EPB41L2: variants seen among roughly 807,000 people sequenced by gnomAD.
EPB41L2 encodes erythrocyte membrane protein band 4.1 like 2, also known as band 4.1-like protein 2.
In EPB41L2, 43 loss-of-function variants were observed where a neutral mutation model predicts 113.0. The ratio of observed to expected loss-of-function variants is 0.38; its 90% CI spans 0.30 to 0.49. The LOEUF (loss-of-function observed/expected upper bound fraction) is 0.49. Among genes scored for constraint, EPB41L2 ranks in the 20% least tolerant of loss-of-function variants. EPB41L2 has a pLI of 0.95. For synonymous variants in EPB41L2, 442 were observed against 436.7 expected (o/e 1.01, Z -0.15); for missense variants, 1,147 against 1,223.4 (o/e 0.94, Z 0.93).
chr6:130,901,132 C>A lies in EPB41L2; in HGVS notation c.978G>T (p.Leu326=), dbSNP rs1012758497. The A allele has an allele frequency of 4.3e-6, 7 of 1,614,040 alleles. No individual in the cohort carries two copies. Among genetic ancestry groups the A allele is most frequent in the Non-Finnish European group, 5.1e-6 (6 of 1,179,988 alleles). ...GAGCATGAGTCACAAAAGAGCAGGG[C>A]AGGCGGCCAGAGGCAATGTCCTGCC... ...QLRQDIASGR[L]PCSFVTHALL... Residue 326 remains leucine, a synonymous_variant, in exon 7 of 20, where the codon CTG becomes CTT. Transcript: ENST00000337057.
intron 11 of EPB41L2, 89 bp downstream of exon 11, chr6:130,890,205 G>T: frequency 7.3e-7 from 1 of 1,367,878 alleles, no homozygotes; most frequent in South Asian, 1.8e-5. Context: ...GGGTATTTCT[G>T]GTGGCTTTAT....
chr6:130,955,029 A>G (rs970633119), intron 3 of EPB41L2, 76 bp downstream of exon 3: 90 of 1,366,616 alleles, frequency 6.6e-5, no homozygotes, highest in Non-Finnish European at 8.5e-5. Context: ...GAACTTAATA[A>G]AACACAAAAA....
At chr6:130,951,891 C>T (rs1228026597) in intron 3 of EPB41L2, among the ~76,000 whole-genome samples, 1 of 151,928 alleles carries the variant, frequency 6.6e-6, no homozygotes, top group Non-Finnish European at 1.5e-5. Context: ...CAGCATATCC[C>T]AGGTAGAGGC....
At chr6:130,886,761 G>A (rs184786152) in intron 11 of EPB41L2, among the ~76,000 whole-genome samples, 139 of 152,198 alleles carry the variant, frequency 9.1e-4, no homozygotes, top group Non-Finnish European at 1.3e-3. Context: ...AGCCTCCTGA[G>A]TAGCTGGGAT....
At chr6:130,880,682 A>C (rs1789037573) in intron 12 of EPB41L2, 1 of 411,370 alleles carries the variant, frequency 2.4e-6, no homozygotes, top group African/African-American at 2.0e-5. Flanking sequence ...CGAATGATGG[A>C]AATGATCCTT....
intron 1 of EPB41L2, among the ~76,000 whole-genome samples, chr6:130,965,476 T>C (rs1774855910): frequency 6.6e-6 from 1 of 152,060 alleles, no homozygotes; most frequent in African/African-American, 2.4e-5. Flanking sequence ...ATTTGGTCTC[T>C]ATCTGAATTC....
chr6:130,945,535 G>A (rs1812513270), intron 3 of EPB41L2, among the ~76,000 whole-genome samples: 1 of 152,168 alleles, frequency 6.6e-6, no homozygotes, highest in Non-Finnish European at 1.5e-5. Flanking sequence ...AGATGCCAGA[G>A]GAAAATGTGA....
At chr6:130,914,559 C>T (rs1348397447) in intron 4 of EPB41L2, among the ~76,000 whole-genome samples, 1 of 152,158 alleles carries the variant, frequency 6.6e-6, no homozygotes, top group East Asian at 1.9e-4. Context: ...AAAGACAGCT[C>T]TTTGTCCATG....
chr6:131,013,074 C>A (rs2128727784), intron 1 of EPB41L2, among the ~76,000 whole-genome samples: 1 of 152,220 alleles, frequency 6.6e-6, no homozygotes, highest in South Asian at 2.1e-4. Flanking sequence ...AAAGGTGTAA[C>A]CAATGTAAGA....
intron 1 of EPB41L2, among the ~76,000 whole-genome samples, chr6:130,967,552 A>ATT (rs200443462): frequency 6.6e-6 from 1 of 151,388 alleles, no homozygotes; most frequent in South Asian, 2.1e-4. Context: ...AGTTGGGGAC[A>ATT]TTTTTTTTTA....
chr6:130,908,514 T>C (rs1257975891), intron 5 of EPB41L2, among the ~76,000 whole-genome samples: 2 of 152,088 alleles, frequency 1.3e-5, no homozygotes, highest in Non-Finnish European at 2.9e-5. Flanking sequence ...TGGAGTAAAA[T>C]TTACATAGAA....
chr6:130,918,672 A>T (rs1049026690), intron 4 of EPB41L2, among the ~76,000 whole-genome samples: 6 of 152,202 alleles, frequency 3.9e-5, no homozygotes, highest in Non-Finnish European at 5.9e-5. Flanking sequence ...ATAGTACTGT[A>T]TTAAAACCAA....
At position 130,869,678 on chromosome 6, in the gene EPB41L2, T is replaced by G. The variant is rs757024224; in HGVS notation, c.2492A>C (p.Glu831Ala). 8.7e-6 allele frequency: 14 copies of G among 1,614,090 alleles called. No individual in the cohort carries two copies. Among genetic ancestry groups the G allele is most frequent in the Non-Finnish European group, 1.1e-5 (13 of 1,180,046 alleles). ...TCCCATGTCTTGCTTAAGAGCGCCT[T>G]CGTGTACACTCTTCTCTCCGGGTAT... Reference protein sequence around the residue: ...QKIPGEKSVHEGALKQDMGEE... With the variant: ...QKIPGEKSVHAGALKQDMGEE... The change falls in exon 15 of 20, where the codon GAA becomes GCA. Residue 831 changes from glutamate to alanine, a missense_variant. Coordinates refer to ENST00000337057, the MANE Select transcript of EPB41L2 (RefSeq NM_001431.4).
Position 130,881,955 on chromosome 6 carries a change from T to C in EPB41L2, c.1834-1749A>G, listed in dbSNP as rs185239928. On this transcript the variant is annotated intron_variant, in intron 12 of 19. Coordinates refer to ENST00000337057, the MANE Select transcript of EPB41L2 (RefSeq NM_001431.4). ...ACAATAATAGGGAGATAAGGAGCTT[T>C]TGAGATTAGACTTACAAATGTCAGG... 18 of 152,304 alleles carry C rather than the reference T, an allele frequency of 1.2e-4. No individual in the cohort carries two copies. In the East Asian group the frequency reaches 3.5e-3, roughly 29 times the overall value. 9.4% of individuals were successfully genotyped at this position (152,304 alleles called of 1,614,324 possible).
chr6:130,954,171 G>A (rs1477136006), intron 3 of EPB41L2, among the ~76,000 whole-genome samples: 5 of 145,332 alleles, frequency 3.4e-5, no homozygotes, highest in Admixed American at 1.4e-4. Context: ...TCCTGCCTCA[G>A]CCTCCCCAGT....
intron 19 of EPB41L2, among the ~76,000 whole-genome samples, chr6:130,853,200 C>G (rs536210443): frequency 6.6e-6 from 1 of 152,286 alleles, no homozygotes; most frequent in South Asian, 2.1e-4. Context: ...ACTCCTCTGT[C>G]GTTTCATCCT....
At chr6:130,926,154 G>A (rs923848079) in intron 4 of EPB41L2, among the ~76,000 whole-genome samples, 11 of 152,094 alleles carry the variant, frequency 7.2e-5, no homozygotes, top group African/African-American at 4.8e-5. Context: ...CCAATGTGCC[G>A]CCTTCCCTGC....
rs1480920886 is a variant in EPB41L2 at position 130,961,920 on chromosome 6, CT to C, written c.-14-5422del. On this transcript the variant is annotated intron_variant, in intron 1 of 19. Transcript: ENST00000337057. ...TTTGAGCTTTGAGAAAACAACAAAACTTTGCAACAAATAACCATTGAACTTA... is the reference window on the plus strand; with the variant it reads ...TTTGAGCTTTGAGAAAACAACAAAACTTGCAACAAATAACCATTGAACTTA... Among the ~76,000 whole-genome samples, 10 of 152,162 alleles carry C rather than the reference CT, an allele frequency of 6.6e-5. 1 individual carries two copies. The highest frequency in any genetic ancestry group is 1.5e-5 in the Non-Finnish European group (1 of 68,020).
intron 1 of EPB41L2, among the ~76,000 whole-genome samples, chr6:131,038,684 T>C (rs1436379413): frequency 2.6e-5 from 4 of 152,236 alleles, no homozygotes; most frequent in African/African-American, 9.6e-5. Context: ...AATACTTCTT[T>C]CATTCTTAGA....
Sources: allele counts gnomAD v4.1 joint callset (sites outside exome capture counted in the v4.1 genomes callset), GRCh38; gene constraint gnomAD v4.1.1; transcripts MANE v1.5; gene names NCBI Gene and HGNC (gene_info 2026-07-23, HGNC 2026-07-21).